The following SOS2 variants were observed in gnomAD, a reference collection of about 807,000 sequenced individuals.
SOS2 encodes SOS Ras/Rho guanine nucleotide exchange factor 2.
A neutral mutation model predicts 148.2 loss-of-function variants in SOS2; 65 were observed. The ratio of observed to expected loss-of-function variants is 0.44; its 90% CI spans 0.36 to 0.54. The LOEUF (loss-of-function observed/expected upper bound fraction) is 0.54, where lower values mean the gene tolerates loss of function less well. SOS2 is among the 20% of genes least tolerant of loss of function. The probability of loss-of-function intolerance (pLI) is 0.00; values close to 1 mark genes in which losing one functional copy is unlikely to be tolerated. For missense variants in SOS2, 1,341 were observed against 1,590.2 expected (o/e 0.84, Z 2.67); for synonymous variants, 539 against 537.1 (o/e 1.00, Z -0.05).
intron 16 of SOS2, among the ~76,000 whole-genome samples, chr14:50,143,728 C>G (rs1176691721): frequency 1.3e-5 from 2 of 152,154 alleles, no homozygotes; most frequent in Non-Finnish European, 1.5e-5. Flanking sequence ...AGGTGAGCCA[C>G]TGAGCCCAGC....
At position 50,180,649 on chromosome 14, in the gene SOS2, G is replaced by A; in HGVS notation, c.892C>T (p.Gln298Ter). The change falls in exon 7 of 23, where the codon CAG becomes TAG. Residue 298 changes from glutamine (Q) to a stop codon, truncating the protein, a stop_gained. Transcript: ENST00000216373. LOFTEE classifies it high-confidence loss of function. ...TGAAACTCTGGTGAAAGAATGTCCT[G>A]TGATAATGTTTCATAAGGATCAAAT... ...QAFDPYETLS[Q>*]DILSPEFHEH... is the part of the protein sequence containing the mutation. 1 of 1,601,342 alleles carries A rather than the reference G, an allele frequency of 6.2e-7. No homozygotes were observed. Among genetic ancestry groups the A allele is most frequent in the South Asian group, 1.1e-5 (1 of 88,886 alleles).
At chr14:50,222,597 C>T (rs1023749128) in intron 1 of SOS2, among the ~76,000 whole-genome samples, 3 of 152,122 alleles carry the variant, frequency 2.0e-5, no homozygotes, top group Non-Finnish European at 2.9e-5. Context: ...AAAGGGCCAG[C>T]CACGTGATTA....
intron 1 of SOS2, among the ~76,000 whole-genome samples, chr14:50,215,856 T>C (rs1887027743): frequency 6.6e-6 from 1 of 152,266 alleles, no homozygotes; most frequent in African/African-American, 2.4e-5. Context: ...TCCTAATTTA[T>C]ATTTTTCAGT....
At chr14:50,166,307 C>T (rs974239593) in intron 8 of SOS2, among the ~76,000 whole-genome samples, 1 of 152,114 alleles carries the variant, frequency 6.6e-6, no homozygotes, top group Admixed American at 6.6e-5. Context: ...ACTGCATCCT[C>T]GATGTCCCGG....
At chr14:50,220,446 C>T (rs970659987) in intron 1 of SOS2, among the ~76,000 whole-genome samples, 3 of 138,566 alleles carry the variant, frequency 2.2e-5, no homozygotes, top group Non-Finnish European at 3.2e-5. Context: ...ATAAAGAAAG[C>T]ACTCAGTAAA....
In SOS2 at chr14:50,159,486, A is replaced by C; in HGVS notation, c.1797T>G (p.Ile599Met). ...TTAATTTCACTACAGTTCCTCCTTT[A>C]ATAATGGGGATGCCACTTCTACTTT... Reference protein sequence around the residue: ...NLQSRSGIPIIKGGTVVKLIE... With the variant: ...NLQSRSGIPIMKGGTVVKLIE... Residue 599 changes from isoleucine to methionine, a missense_variant, in exon 10 of 23, where the codon ATT (isoleucine) becomes ATG (methionine). Ile to Met is a conservative substitution (Grantham distance 10). Coordinates refer to ENST00000216373, the MANE Select transcript of SOS2 (RefSeq NM_006939.4). 1 of 1,612,736 alleles carries C rather than the reference A, an allele frequency of 6.2e-7. No homozygotes were observed. The highest frequency in any genetic ancestry group is 8.5e-7 in the Non-Finnish European group (1 of 1,178,830).
Position 50,231,209 on chromosome 14 carries a change from C to A in SOS2, c.75G>T (p.Ser25=). The part of the protein sequence containing the change: ...NSPKWRGLLV[S]ALRKVQEQVH... The stretch of plus-strand genomic sequence containing the variant: ...CCCTAGCACTGACCTTCCGCAGGGC[C>A]GAGACCAACAGTCCCCGCCATTTCG... Residue 25 remains serine (S), a synonymous_variant, in exon 1 of 23, where the codon TCG becomes TCT. Coordinates refer to ENST00000216373, the MANE Select transcript of SOS2 (RefSeq NM_006939.4). 6.7e-7 allele frequency: 1 copy of A among 1,490,416 alleles called. No individual in the cohort carries two copies. Among genetic ancestry groups the A allele is most frequent in the Non-Finnish European group, 9.0e-7 (1 of 1,106,306 alleles). The allele number at this position is 1,490,416 out of a possible 1,614,324, so 92.3% of individuals were successfully genotyped here. A position where few individuals can be genotyped will look rare whatever the true frequency, so the allele number is the denominator to read the frequency against.
intron 7 of SOS2, 43 bp from the exon 8 acceptor site, chr14:50,174,595 C>T: frequency 8.5e-7 from 1 of 1,173,694 alleles, no homozygotes; most frequent in East Asian, 2.4e-5. Flanking sequence ...TCTCTGACAT[C>T]AAGGATATGC....
chr14:50,175,790 C>T (rs928645758), intron 7 of SOS2, among the ~76,000 whole-genome samples: 3 of 152,132 alleles, frequency 2.0e-5, no homozygotes, highest in Non-Finnish European at 4.4e-5. Flanking sequence ...ACCAACCACA[C>T]CAATATAAAA....
intron 1 of SOS2, among the ~76,000 whole-genome samples, chr14:50,214,700 C>CTT (rs755314459): frequency 7.6e-6 from 1 of 131,260 alleles, no homozygotes; most frequent in Non-Finnish European, 1.7e-5. Flanking sequence ...AAGGCCGTTT[C>CTT]TTTTTTTTTT....
chr14:50,222,501 C>T (rs1006020432), intron 1 of SOS2, among the ~76,000 whole-genome samples: 2 of 152,086 alleles, frequency 1.3e-5, no homozygotes, highest in Non-Finnish European at 2.9e-5. Context: ...GTCTGGGAAG[C>T]AGGAGGATGT....
At chr14:50,174,175 C>CG (rs1885453160) in intron 8 of SOS2, among the ~76,000 whole-genome samples, 1 of 115,252 alleles carries the variant, frequency 8.7e-6, no homozygotes, top group African/African-American at 2.9e-5. Flanking sequence ...AGAAGAGAGT[C>CG]ATTTTTTTTA....
intron 1 of SOS2, among the ~76,000 whole-genome samples, chr14:50,206,048 A>T (rs1228353198): frequency 1.3e-5 from 2 of 152,074 alleles, no homozygotes; most frequent in African/African-American, 4.8e-5. Flanking sequence ...TCAGCATCTC[A>T]GAGGTTTATC....
chr14:50,182,000 A>G (rs1885757249), intron 6 of SOS2, among the ~76,000 whole-genome samples: 1 of 151,764 alleles, frequency 6.6e-6, no homozygotes, highest in African/African-American at 2.4e-5. Flanking sequence ...ACTAAAAAAA[A>G]AAAAAAAACC....
chr14:50,201,752 T>A (rs529529514), intron 2 of SOS2, among the ~76,000 whole-genome samples: 14 of 152,162 alleles, frequency 9.2e-5, no homozygotes, highest in Non-Finnish European at 2.1e-4. Context: ...TTAAAACTAT[T>A]TACCTAGCAG....
intron 18 of SOS2, among the ~76,000 whole-genome samples, chr14:50,135,642 CT>C (rs56043962): frequency 0.17 from 13,598 of 81,758 alleles, 222 homozygotes; most frequent in East Asian, 0.3. Flanking sequence ...ATGTGGTTTG[CT>C]TTTTTTTTTT....
At chr14:50,196,225 T>C (rs987378227) in intron 4 of SOS2, among the ~76,000 whole-genome samples, 5 of 152,156 alleles carry the variant, frequency 3.3e-5, no homozygotes, top group Non-Finnish European at 5.9e-5. Flanking sequence ...ATGGTGAATA[T>C]AGTAAATAAT....
chr14:50,173,616 T>A (rs1225797969), intron 8 of SOS2, among the ~76,000 whole-genome samples: 1 of 151,930 alleles, frequency 6.6e-6, no homozygotes, highest in Non-Finnish European at 1.5e-5. Context: ...AGAGACGGGG[T>A]TTCACCATGT....
rs537967130 is a variant in SOS2, at chr14:50,160,588, T to C, written c.1197-502A>G. 2.6e-5 allele frequency among the ~76,000 whole-genome samples: 4 copies of C among 152,098 alleles called. No homozygotes were observed. In the East Asian group the frequency reaches 5.9e-4, roughly 22 times the overall value. On this transcript the variant is annotated intron_variant, in intron 9 of 22. Transcript: ENST00000216373. Reference sequence around the variant, plus strand: ...TTTTAGTAGAGATGGGGTTTCACCATGTTGGCCAGGCTGGTCTCAAACTCC... The same window carrying C: ...TTTTAGTAGAGATGGGGTTTCACCACGTTGGCCAGGCTGGTCTCAAACTCC...
Sources: gnomAD v4.1 joint callset for allele counts (sites outside exome capture counted in the v4.1 genomes callset) on GRCh38, gnomAD v4.1.1 for gene constraint, MANE v1.5 for transcripts, NCBI Gene and HGNC (gene_info 2026-07-23, HGNC 2026-07-21) for gene names.